Variants in ELP4 observed in about 807,000 individuals in gnomAD.
ELP4 encodes the protein elongator acetyltransferase complex subunit 4, also known as elongator complex protein 4.
In ELP4, 51 loss-of-function variants were observed where a neutral mutation model predicts 48.9. The observed-to-expected ratio is 1.04, with a 90% CI of 0.83 to 1.32. The LOEUF is 1.32. Among genes scored for constraint, ELP4 ranks in the 40% most tolerant of loss-of-function variants. ELP4 has a pLI of 0.00. For synonymous variants in ELP4, 210 were observed against 189.2 expected (o/e 1.11, Z -0.90); for missense variants, 519 against 514.6 (o/e 1.01, Z -0.08).
intron 2 of ELP4, among the ~76,000 whole-genome samples, chr11:31,533,680 GC>G (rs1344369734): frequency 1.3e-5 from 2 of 151,186 alleles, no homozygotes; most frequent in East Asian, 4.0e-4. Context: ...GAGCCACCGC[GC>G]CCGGCCTGAA....
intron 9 of ELP4, chr11:31,763,632 T>G: frequency 7.3e-7 from 1 of 1,368,696 alleles, no homozygotes; most frequent in Non-Finnish European, 9.7e-7. Context: ...TAAGGGATGA[T>G]AGTTTAAGGT....
intron 5 of ELP4, among the ~76,000 whole-genome samples, chr11:31,626,401 T>C (rs1944744999): frequency 6.6e-6 from 1 of 151,848 alleles, no homozygotes; most frequent in South Asian, 2.1e-4. Context: ...TTGTCCATTA[T>C]GCAGAATCTT....
chr11:31,647,927 A>G lies in ELP4; in HGVS notation c.1036+78A>G, dbSNP rs1001490982. On this transcript the variant is annotated intron_variant, in intron 8 of 9. Transcript: ENST00000640961. ...CCTGGAAGCATCCTATTCAATCCAA[A>G]TATCTACTGTCAAGGAGTATGAATT... is the stretch of plus-strand genomic sequence containing the variant. 8 of 787,784 alleles carry G rather than the reference A, an allele frequency of 1.0e-5. No homozygotes were observed. The African/African-American group carries it at 1.2e-4, about 12-fold the overall frequency. The allele number at this position is 787,784 out of a possible 1,614,324, so 48.8% of individuals were successfully genotyped here. A position where few individuals can be genotyped will look rare whatever the true frequency, so the allele number is the denominator to read the frequency against.
At chr11:31,621,531 T>C (rs931670613) in intron 5 of ELP4, among the ~76,000 whole-genome samples, 39 of 152,030 alleles carry the variant, frequency 2.6e-4, no homozygotes, top group African/African-American at 8.9e-4. Context: ...TTAAACAATT[T>C]ACCTCATACC....
intron 6 of ELP4, among the ~76,000 whole-genome samples, chr11:31,630,183 C>T (rs895040217): frequency 1.3e-4 from 20 of 148,804 alleles, no homozygotes; most frequent in African/African-American, 5.0e-4. Flanking sequence ...GTTTTAGGTC[C>T]TTAGAGTCAG....
chr11:31,559,258 A>G (rs760365032), intron 3 of ELP4, among the ~76,000 whole-genome samples: 11 of 152,262 alleles, frequency 7.2e-5, no homozygotes, highest in Non-Finnish European at 1.5e-4. Context: ...TCTTTCCTAA[A>G]ATTTTAAGTT....
intron 2 of ELP4, among the ~76,000 whole-genome samples, chr11:31,526,663 C>G (rs576070107): frequency 6.6e-6 from 1 of 152,178 alleles, no homozygotes; most frequent in Admixed American, 6.5e-5. Flanking sequence ...AAACTTACCT[C>G]TATTCACAAA....
chr11:31,609,439 C>T (rs1346698731), intron 5 of ELP4, among the ~76,000 whole-genome samples: 7 of 152,028 alleles, frequency 4.6e-5, no homozygotes, highest in Middle Eastern at 6.8e-3. Flanking sequence ...AGTTTTTTCC[C>T]GGGAGGTGGG....
intron 9 of ELP4, among the ~76,000 whole-genome samples, chr11:31,676,675 G>C (rs1222500775): frequency 6.6e-6 from 1 of 152,156 alleles, no homozygotes; most frequent in African/African-American, 2.4e-5. Flanking sequence ...TAGGTACTAA[G>C]TGTTAGACAC....
intron 4 of ELP4, among the ~76,000 whole-genome samples, chr11:31,601,368 A>G (rs769149099): frequency 1.3e-5 from 2 of 152,110 alleles, no homozygotes; most frequent in African/African-American, 2.4e-5. Context: ...TTCATCAGCA[A>G]TAAAATTTTC....
chr11:31,594,957 A>G lies in ELP4; in HGVS notation c.513+56A>G, dbSNP rs7117463. The G allele has an allele frequency of 4.8e-3, 7,003 of 1,470,628 alleles. 279 individuals are homozygous for G. The African/African-American group carries it at 0.091, about 19-fold the overall frequency. 91.1% of individuals were successfully genotyped at this position (1,470,628 alleles called of 1,614,324 possible). A position where few individuals can be genotyped will look rare whatever the true frequency, so the allele number is the denominator to read the frequency against. Reference sequence around the variant, plus strand: ...TTGCAAATGCATTTGTTTTCATCTTACAGAATCTCTTGTGGTATGCCTATA... The same window carrying G: ...TTGCAAATGCATTTGTTTTCATCTTGCAGAATCTCTTGTGGTATGCCTATA... On this transcript the variant is annotated intron_variant, in intron 4 of 9. Transcript: ENST00000640961.
chr11:31,790,114 A>G lies in ELP4; in HGVS notation c.*6590A>G. 1.3e-6 allele frequency: 1 copy of G among 792,982 alleles called. No individual in the cohort carries two copies. The highest frequency in any genetic ancestry group is 2.0e-6 in the Non-Finnish European group (1 of 488,602). The allele number at this position is 792,982 out of a possible 1,614,324, so 49.1% of individuals were successfully genotyped here. A position where few individuals can be genotyped will look rare whatever the true frequency, so the allele number is the denominator to read the frequency against. On this transcript the variant is annotated 3_prime_UTR_variant, in exon 10 of 10. Transcript: ENST00000640961. ...TAGGTTTACAAAAAAAAAAAAAAAAAAAAAAACTAATACTTTCTAACATTT... is the reference window on the plus strand; with the variant it reads ...TAGGTTTACAAAAAAAAAAAAAAAAGAAAAAACTAATACTTTCTAACATTT...
At position 31,766,722 on chromosome 11, in the gene ELP4, A is replaced by G. The variant is rs138758694; in HGVS notation, c.1144-16671A>G. On this transcript the variant is annotated intron_variant, in intron 9 of 9. Transcript: ENST00000640961. The stretch of plus-strand genomic sequence containing the variant: ...ATAAATATATAATGAAAATAAATAT[A>G]TAATTGAAGATGCCTGTTATAATTT... 2.6e-5 allele frequency among the ~76,000 whole-genome samples: 4 copies of G among 152,194 alleles called. No homozygotes were observed. The East Asian group carries it at 7.7e-4, about 29-fold the overall frequency.
chr11:31,674,835 A>G (rs1024621443), intron 9 of ELP4, among the ~76,000 whole-genome samples: 3 of 152,218 alleles, frequency 2.0e-5, no homozygotes, highest in Non-Finnish European at 2.9e-5. Context: ...TACATTTAAG[A>G]ACTGAATTAA....
intron 9 of ELP4, among the ~76,000 whole-genome samples, chr11:31,702,600 T>A (rs191231988): frequency 2.0e-3 from 303 of 152,232 alleles, no homozygotes; most frequent in African/African-American, 6.9e-3. Context: ...AAAATCTGAT[T>A]CGTAGTTTTT....
At chr11:31,619,538 C>T (rs892262787) in intron 5 of ELP4, among the ~76,000 whole-genome samples, 2 of 151,846 alleles carry the variant, frequency 1.3e-5, no homozygotes, top group Non-Finnish European at 2.9e-5. Context: ...TGTGTAACCT[C>T]GGGCATGGCA....
intron 9 of ELP4, among the ~76,000 whole-genome samples, chr11:31,736,055 A>C (rs1446058027): frequency 6.6e-6 from 1 of 152,238 alleles, no homozygotes; most frequent in South Asian, 2.1e-4. Flanking sequence ...TGGAGGCATC[A>C]TGCTACCTGA....
chr11:31,709,890 C>G (rs1946705190), intron 9 of ELP4, among the ~76,000 whole-genome samples: 1 of 152,116 alleles, frequency 6.6e-6, no homozygotes, highest in Non-Finnish European at 1.5e-5. Flanking sequence ...TTAATTATTA[C>G]TATGTATTGA....
intron 9 of ELP4, among the ~76,000 whole-genome samples, chr11:31,684,900 A>G (rs1272756569): frequency 6.6e-6 from 1 of 152,224 alleles, no homozygotes; most frequent in African/African-American, 2.4e-5. Context: ...AGCTGAGGGT[A>G]CTTTCAAGGA....
Sources: allele counts gnomAD v4.1 joint callset (sites outside exome capture counted in the v4.1 genomes callset), GRCh38; gene constraint gnomAD v4.1.1; transcripts MANE v1.5; gene names NCBI Gene and HGNC (gene_info 2026-07-23, HGNC 2026-07-21).